ABTB3: variants seen among roughly 807,000 people sequenced by gnomAD.
ABTB3 encodes ankyrin repeat and BTB domain containing 3.
chr12:107,374,254 T>A, the ABTB3 span, among the ~76,000 whole-genome samples: 7 of 152,302 alleles, frequency 4.6e-5, no homozygotes, highest in African/African-American at 1.4e-4. Context: ...CTTTTTCTAC[T>A]TCCTACATCT....
the ABTB3 span, among the ~76,000 whole-genome samples, chr12:107,624,334 T>C: frequency 6.6e-6 from 1 of 152,142 alleles, no homozygotes; most frequent in African/African-American, 2.4e-5. Flanking sequence ...GAGATTCCTG[T>C]GTACCATTTA....
chr12:107,360,930 A>ATTTTTTTTTTTTTTTT, the ABTB3 span, among the ~76,000 whole-genome samples: 9 of 84,436 alleles, frequency 1.1e-4, no homozygotes, highest in South Asian at 4.6e-4. Context: ...ATTTAATTTA[A>ATTTTTTTTTTTTTTTT]TTTTTTTTTT....
the ABTB3 span, among the ~76,000 whole-genome samples, chr12:107,405,988 G>C: frequency 6.6e-6 from 1 of 152,140 alleles, no homozygotes; most frequent in Non-Finnish European, 1.5e-5. Flanking sequence ...CCTCTAGTTT[G>C]TTTGAGGGGC....
the ABTB3 span, among the ~76,000 whole-genome samples, chr12:107,522,950 G>A: frequency 2.0e-5 from 3 of 152,182 alleles, no homozygotes; most frequent in Non-Finnish European, 4.4e-5. Flanking sequence ...TGTGCTCTGT[G>A]AGTCTGACTA....
the ABTB3 span, among the ~76,000 whole-genome samples, chr12:107,580,071 G>C: frequency 6.6e-6 from 1 of 152,150 alleles, no homozygotes; most frequent in Non-Finnish European, 1.5e-5. Flanking sequence ...TCAGGAACTG[G>C]TTAGGAATGC....
chr12:107,493,588 C>A, the ABTB3 span, among the ~76,000 whole-genome samples: 1 of 152,126 alleles, frequency 6.6e-6, no homozygotes, highest in African/African-American at 2.4e-5. Context: ...AATTGTGTAC[C>A]TGCCAAAATT....
chr12:107,365,129 C>T, the ABTB3 span, among the ~76,000 whole-genome samples: 1 of 152,174 alleles, frequency 6.6e-6, no homozygotes, highest in Admixed American at 6.5e-5. Flanking sequence ...GTTATTGAAC[C>T]TTTCTTAGAC....
the ABTB3 span, among the ~76,000 whole-genome samples, chr12:107,622,223 G>A: frequency 2.0e-5 from 3 of 152,190 alleles, no homozygotes; most frequent in East Asian, 1.9e-4. Flanking sequence ...CACTGGCCGG[G>A]GGTGGGAGCG....
At chr12:107,342,990 G>C in the ABTB3 span, among the ~76,000 whole-genome samples, 1 of 152,108 alleles carries the variant, frequency 6.6e-6, no homozygotes, top group Non-Finnish European at 1.5e-5. Flanking sequence ...CTAGGGCAGG[G>C]TTTGAATCTT....
chr12:107,320,019 A>T, the ABTB3 span: 1 of 1,560,436 alleles, frequency 6.4e-7, no homozygotes, highest in African/African-American at 1.4e-5. Flanking sequence ...AACGACTCGG[A>T]GATCTGGGGT....
At chr12:107,464,898 G>A in the ABTB3 span, among the ~76,000 whole-genome samples, 63 of 151,880 alleles carry the variant, frequency 4.1e-4, no homozygotes, top group Non-Finnish European at 8.7e-4. Flanking sequence ...GTGAGTAGAG[G>A]CCAAGGGTGC....
At chr12:107,465,592 G>T in the ABTB3 span, among the ~76,000 whole-genome samples, 1 of 152,150 alleles carries the variant, frequency 6.6e-6, no homozygotes, top group Admixed American at 6.5e-5. Flanking sequence ...AGGGGCAGGG[G>T]GTGCTGGGGG....
At chr12:107,630,563 C>A in the ABTB3 span, among the ~76,000 whole-genome samples, 3 of 151,706 alleles carry the variant, frequency 2.0e-5, no homozygotes, top group Admixed American at 2.0e-4. Flanking sequence ...CCCACCTCAA[C>A]CTCCCGAGTA....
At chr12:107,532,939 A>G in the ABTB3 span, among the ~76,000 whole-genome samples, 9 of 152,238 alleles carry the variant, frequency 5.9e-5, no homozygotes, top group Admixed American at 5.9e-4. Context: ...GCTATCTTTT[A>G]GAAATGAAGG....
At chr12:107,520,426 C>A in the ABTB3 span, 8 of 1,573,178 alleles carry the variant, frequency 5.1e-6, no homozygotes, top group Non-Finnish European at 6.9e-6. Flanking sequence ...ACCCTTCCCT[C>A]GGTTAACTGA....
the ABTB3 span, among the ~76,000 whole-genome samples, chr12:107,512,244 A>G: frequency 2.0e-5 from 3 of 152,342 alleles, no homozygotes; most frequent in Admixed American, 2.0e-4. Flanking sequence ...ACAGATTTTG[A>G]GGCAACTTAT....
At chr12:107,510,844 C>A in the ABTB3 span, among the ~76,000 whole-genome samples, 1 of 152,100 alleles carries the variant, frequency 6.6e-6, no homozygotes, top group South Asian at 2.1e-4. Context: ...ATGGCTTGAG[C>A]CTGGGAGGTG....
the ABTB3 span, among the ~76,000 whole-genome samples, chr12:107,551,561 C>T: frequency 6.6e-6 from 1 of 152,156 alleles, no homozygotes; most frequent in Admixed American, 6.5e-5. Flanking sequence ...AAATCTGGCC[C>T]ACTGTCTGTT....
chr12:107,619,244 A>G, the ABTB3 span, among the ~76,000 whole-genome samples: 1 of 152,174 alleles, frequency 6.6e-6, no homozygotes, highest in African/African-American at 2.4e-5. Flanking sequence ...CGAATGGGCT[A>G]CTTGTTATAA....
Sources: allele counts gnomAD v4.1 joint callset (sites outside exome capture counted in the v4.1 genomes callset), GRCh38; gene constraint gnomAD v4.1.1; transcripts MANE v1.5; gene names NCBI Gene and HGNC (gene_info 2026-07-23, HGNC 2026-07-21).